Variants in CHD7 observed in about 807,000 individuals in gnomAD.
CHD7 encodes the protein ATP-dependent chromatin remodeler CHD7.
CHD7 carries 24 observed loss-of-function variants against 307.3 expected under a neutral mutation model. That is an observed-to-expected ratio of 0.08 (90% confidence interval 0.06 to 0.11). CHD7 has a LOEUF of 0.11. CHD7 is among the 10% of genes least tolerant of loss of function. CHD7 has a pLI of 1.00. For synonymous variants in CHD7, 1,363 were observed against 1,349.9 expected (o/e 1.01, Z -0.21); for missense variants, 3,106 against 3,727.1 (o/e 0.83, Z 4.34).
rs1005365281 is a variant in CHD7 at position 60,867,138 on chromosome 8, C to T, written c.*1205C>T. 2.6e-5 allele frequency: 4 copies of T among 152,264 alleles called. No individual in the cohort carries two copies. Among genetic ancestry groups the T allele is most frequent in the Middle Eastern group, 3.4e-3 (1 of 294 alleles). 9.4% of individuals were successfully genotyped at this position (152,264 alleles called of 1,614,324 possible). ...TCTCAACAGAAATGCATACAAAAAG[C>T]TCCTATTACTCCCTCAAAAGGGCAT... On this transcript the variant is annotated 3_prime_UTR_variant, in exon 38 of 38. Transcript: ENST00000423902.
chr8:60,854,220 A>T (rs1367194712), intron 31 of CHD7, 143 bp from the exon 32 acceptor site: 4 of 632,654 alleles, frequency 6.3e-6, no homozygotes, highest in Non-Finnish European at 1.1e-5. Flanking sequence ...TTTAGACAAC[A>T]GTGCCCAATA....
At chr8:60,689,927 C>T (rs1408680384) in intron 1 of CHD7, among the ~76,000 whole-genome samples, 3 of 152,206 alleles carry the variant, frequency 2.0e-5, no homozygotes, top group African/African-American at 7.2e-5. Context: ...ATCTTTATCT[C>T]GCTGCACAGG....
At chr8:60,807,555 A>G (rs1038777051) in intron 6 of CHD7, among the ~76,000 whole-genome samples, 2 of 152,244 alleles carry the variant, frequency 1.3e-5, no homozygotes, top group African/African-American at 4.8e-5. Context: ...ATGTATCACA[A>G]TTTTAACCTT....
intron 1 of CHD7, among the ~76,000 whole-genome samples, chr8:60,720,306 CAG>C (rs1269215791): frequency 1.3e-5 from 2 of 152,160 alleles, no homozygotes; most frequent in African/African-American, 2.4e-5. Flanking sequence ...AATTCCTAGA[CAG>C]GGGTATTACA....
intron 1 of CHD7, among the ~76,000 whole-genome samples, chr8:60,688,068 G>A (rs559331469): frequency 6.6e-6 from 1 of 152,296 alleles, no homozygotes; most frequent in South Asian, 2.1e-4. Flanking sequence ...TAGTTGTGGG[G>A]CCATATGTCA....
intron 35 of CHD7, chr8:60,861,353 G>A (rs1805963129): frequency 2.1e-6 from 1 of 470,572 alleles, no homozygotes; most frequent in Non-Finnish European, 3.7e-6. Context: ...TGCGCGTTAT[G>A]CATTTCCTTA....
intron 1 of CHD7, among the ~76,000 whole-genome samples, chr8:60,715,841 G>A (rs758749625): frequency 6.6e-6 from 1 of 152,124 alleles, no homozygotes; most frequent in Non-Finnish European, 1.5e-5. Flanking sequence ...AGAAAATATA[G>A]GCCACTATTT....
intron 2 of CHD7, among the ~76,000 whole-genome samples, chr8:60,749,370 CAA>C (rs55661758): frequency 5.3e-5 from 3 of 56,284 alleles, no homozygotes; most frequent in African/African-American, 2.4e-4. Context: ...GACTCTGTAT[CAA>C]AAAAAAAAAA....
At chr8:60,764,616 A>G (rs532796729) in intron 2 of CHD7, among the ~76,000 whole-genome samples, 7 of 152,190 alleles carry the variant, frequency 4.6e-5, no homozygotes, top group African/African-American at 1.4e-4. Context: ...TCATCCATCT[A>G]TTCAGCCATT....
intron 2 of CHD7, among the ~76,000 whole-genome samples, chr8:60,756,734 A>G (rs1288150619): frequency 6.6e-6 from 1 of 152,126 alleles, no homozygotes; most frequent in Non-Finnish European, 1.5e-5. Context: ...CACACATTTA[A>G]AATGGATGGG....
intron 1 of CHD7, among the ~76,000 whole-genome samples, chr8:60,707,993 G>A (rs1420179842): frequency 3.3e-5 from 5 of 152,164 alleles, no homozygotes; most frequent in African/African-American, 1.2e-4. Flanking sequence ...TGTGGGTGAG[G>A]GTTCCTGGAG....
At chr8:60,739,500 A>G (rs1483356679) in intron 1 of CHD7, among the ~76,000 whole-genome samples, 2 of 152,240 alleles carry the variant, frequency 1.3e-5, no homozygotes, top group African/African-American at 4.8e-5. Flanking sequence ...TGTTTTCAGT[A>G]AAATAGCTTT....
At chr8:60,837,910 C>G in intron 18 of CHD7, 75 bp downstream of exon 18, 1 of 1,403,706 alleles carries the variant, frequency 7.1e-7, no homozygotes, top group Non-Finnish European at 9.7e-7. Context: ...AGAAATTACT[C>G]AGCCTTTGAT....
Position 60,855,968 on chromosome 8 carries a change from C to T in CHD7, c.6937-7C>T. On this transcript the variant is annotated splice_polypyrimidine_tract_variant and splice_region_variant and intron_variant, in intron 32 of 37. Coordinates refer to ENST00000423902, the MANE Select transcript of CHD7 (RefSeq NM_017780.4). ...AAAATTTCTTGTGACTTTTCTTCTCCCTCCAGGATAGAGTAATGATAAACC... is the reference window on the plus strand; with the variant it reads ...AAAATTTCTTGTGACTTTTCTTCTCTCTCCAGGATAGAGTAATGATAAACC... 1.9e-6 allele frequency: 3 copies of T among 1,579,348 alleles called. No individual in the cohort carries two copies. The South Asian group carries it at 3.4e-5, about 18-fold the overall frequency.
chr8:60,838,318 T>C lies in CHD7; in HGVS notation c.4533+63T>C, dbSNP rs1804827658. On this transcript the variant is annotated intron_variant, in intron 19 of 37. Coordinates refer to ENST00000423902, the MANE Select transcript of CHD7 (RefSeq NM_017780.4). Reference sequence around the variant, plus strand: ...AGCATGACAGAGTTCATGTGAAAAGTACCTTGTAAAAGTGCTTACAAGATG... The same window carrying C: ...AGCATGACAGAGTTCATGTGAAAAGCACCTTGTAAAAGTGCTTACAAGATG... The C allele has an allele frequency of 2.3e-5, 33 of 1,456,702 alleles. No homozygotes were observed. In the South Asian group the frequency reaches 3.4e-4, roughly 15 times the overall value. 90.2% of individuals were successfully genotyped at this position (1,456,702 alleles called of 1,614,324 possible). A position where few individuals can be genotyped will look rare whatever the true frequency, so the allele number is the denominator to read the frequency against.
chr8:60,822,426 G>C (rs1203795513), intron 11 of CHD7, 77 bp from the exon 12 acceptor site: 3 of 1,389,060 alleles, frequency 2.2e-6, no homozygotes, highest in Non-Finnish European at 3.0e-6. Context: ...GGGTACAATG[G>C]TATATATTTT....
Position 60,853,516 on chromosome 8 carries a change from T to A in CHD7, c.6775+16T>A, listed in dbSNP as rs1237997682. 4 of 1,500,372 alleles carry A rather than the reference T, an allele frequency of 2.7e-6. No individual in the cohort carries two copies. Among genetic ancestry groups the A allele is most frequent in the Admixed American group, 2.3e-5 (1 of 43,148 alleles). The allele number at this position is 1,500,372 out of a possible 1,614,324, so 92.9% of individuals were successfully genotyped here. A position where few individuals can be genotyped will look rare whatever the true frequency, so the allele number is the denominator to read the frequency against. On this transcript the variant is annotated intron_variant, in intron 31 of 37. Transcript: ENST00000423902. Reference sequence around the variant, plus strand: ...CAGCCCGAAGGTAAGGCCTTACCACTGGCCCCTCTCCTGACCCTGCAGCAG... The same window carrying A: ...CAGCCCGAAGGTAAGGCCTTACCACAGGCCCCTCTCCTGACCCTGCAGCAG...
intron 3 of CHD7, among the ~76,000 whole-genome samples, chr8:60,790,279 C>T (rs575313265): frequency 3.9e-5 from 6 of 151,978 alleles, no homozygotes; most frequent in Non-Finnish European, 5.9e-5. Flanking sequence ...GATGGCTCTA[C>T]GTCTCTCTAG....
At chr8:60,827,113 A>T (rs1283263463) in intron 13 of CHD7, among the ~76,000 whole-genome samples, 3 of 152,192 alleles carry the variant, frequency 2.0e-5, no homozygotes, top group African/African-American at 7.2e-5. Context: ...TAACTAATTG[A>T]AGGGAAGCTG....
Sources: allele counts gnomAD v4.1 joint callset (sites outside exome capture counted in the v4.1 genomes callset), GRCh38; gene constraint gnomAD v4.1.1; transcripts MANE v1.5; gene names NCBI Gene and HGNC (gene_info 2026-07-23, HGNC 2026-07-21).